Variants in ABI1 observed in about 807,000 individuals in gnomAD.
ABI1 encodes abl interactor 1, also known as Abelson interactor 1.
A neutral mutation model predicts 54.6 loss-of-function variants in ABI1; 14 were observed. That is an observed-to-expected ratio of 0.26 (90% confidence interval 0.17 to 0.40). The LOEUF (loss-of-function observed/expected upper bound fraction) is 0.40, where lower values mean the gene tolerates loss of function less well. Among genes scored for constraint, ABI1 ranks in the 10% least tolerant of loss-of-function variants. ABI1 has a pLI of 1.00. For synonymous variants in ABI1, 194 were observed against 209.3 expected, an observed-to-expected ratio of 0.93 and a Z score of 0.63; for missense variants, 443 against 598.3, an observed-to-expected ratio of 0.74 and a Z score of 2.71.
intron 7 of ABI1, among the ~76,000 whole-genome samples, chr10:26,761,661 T>TATATATATATACACACACAC (rs1375832167): frequency 5.1e-5 from 4 of 78,934 alleles, no homozygotes; most frequent in Non-Finnish European, 9.4e-5. Context: ...TATATATATA[T>TATATATATATACACACACAC]ACACACACAC....
chr10:26,797,392 C>T (rs932974393), intron 2 of ABI1, among the ~76,000 whole-genome samples: 2 of 152,100 alleles, frequency 1.3e-5, no homozygotes, highest in African/African-American at 4.8e-5. Context: ...CTAGAAAGCA[C>T]GACTAGGGAT....
intron 2 of ABI1, among the ~76,000 whole-genome samples, chr10:26,802,980 A>G (rs2046656723): frequency 6.6e-6 from 1 of 152,228 alleles, no homozygotes; most frequent in South Asian, 2.1e-4. Context: ...AAGATCAAAC[A>G]GAAGCTATCT....
chr10:26,795,141 CAA>C (rs200953543), intron 2 of ABI1, among the ~76,000 whole-genome samples: 13 of 110,810 alleles, frequency 1.2e-4, no homozygotes, highest in Non-Finnish European at 9.8e-5. Context: ...GAGACTGTCT[CAA>C]AAAAAAAAAA....
Position 26,823,273 on chromosome 10 carries a change from G to T in ABI1, c.150C>A (p.Thr50=). 6.3e-7 allele frequency: 1 copy of T among 1,579,388 alleles called. No individual in the cohort carries two copies. The change falls in exon 2 of 11, where the codon ACC becomes ACA. Residue 50 remains threonine (T), a synonymous_variant. Coordinates refer to ENST00000376140, the MANE Select transcript of ABI1 (RefSeq NM_001012750.3). ...ATDKRKALEE[T]KAYTTQSLAS... ...CTAGAGATTGGGTTGTATAGGCTTT[G>T]GTCTCCTCTAAAGCTTTTCTCTTGT...
intron 2 of ABI1, among the ~76,000 whole-genome samples, chr10:26,817,402 A>G (rs2047644767): frequency 6.6e-6 from 1 of 152,158 alleles, no homozygotes; most frequent in African/African-American, 2.4e-5. Context: ...CTGTTCTACA[A>G]AAAAAATTAT....
chr10:26,837,670 G>T (rs564167098), intron 1 of ABI1, among the ~76,000 whole-genome samples: 1 of 152,060 alleles, frequency 6.6e-6, no homozygotes, highest in South Asian at 2.1e-4. Flanking sequence ...AGAGTGCAGT[G>T]GTGCAATCCA....
Position 26,747,025 on chromosome 10 carries a change from T to A in ABI1, c.*1545A>T, listed in dbSNP as rs1176137876. The A allele has an allele frequency of 4.4e-6, 1 of 226,364 alleles. No individual in the cohort carries two copies. The highest frequency in any genetic ancestry group is 8.8e-6 in the Non-Finnish European group (1 of 113,670). The allele number at this position is 226,364 out of a possible 1,614,324, so 14.0% of individuals were successfully genotyped here. A position where few individuals can be genotyped will look rare whatever the true frequency, so the allele number is the denominator to read the frequency against. On this transcript the variant is annotated 3_prime_UTR_variant, in exon 11 of 11. Coordinates refer to ENST00000376140, the MANE Select transcript of ABI1 (RefSeq NM_001012750.3). ...AGCTAGCTGATCACTAATGATACTT[T>A]GTTTGTTTAAAATTAACAAAGGCAA...
chr10:26,786,227 T>G (rs78963529), intron 2 of ABI1, among the ~76,000 whole-genome samples: 1 of 152,098 alleles, frequency 6.6e-6, no homozygotes, highest in African/African-American at 2.4e-5. Context: ...ACACTTTTTT[T>G]TTTTTTGACA....
At chr10:26,808,631 G>C (rs188037440) in intron 2 of ABI1, among the ~76,000 whole-genome samples, 1 of 151,708 alleles carries the variant, frequency 6.6e-6, no homozygotes, top group Non-Finnish European at 1.5e-5. Context: ...GCTGAGGCAG[G>C]AGAATCGCTT....
At chr10:26,854,580 T>G (rs985701831) in intron 1 of ABI1, among the ~76,000 whole-genome samples, 13 of 152,184 alleles carry the variant, frequency 8.5e-5, no homozygotes, top group Non-Finnish European at 1.9e-4. Flanking sequence ...ATGGGTCGAT[T>G]TAACAATTAA....
chr10:26,821,023 A>T (rs2047940392), intron 2 of ABI1, among the ~76,000 whole-genome samples: 1 of 151,840 alleles, frequency 6.6e-6, no homozygotes, highest in South Asian at 2.1e-4. Flanking sequence ...CAGGCAGATC[A>T]CTTGAGCCCA....
intron 1 of ABI1, among the ~76,000 whole-genome samples, chr10:26,840,187 C>T (rs1325777158): frequency 1.3e-5 from 2 of 152,016 alleles, no homozygotes; most frequent in African/African-American, 4.8e-5. Flanking sequence ...GGGGGAGGAT[C>T]CCTCATGAAT....
chr10:26,760,179 T>C (rs900155914), intron 7 of ABI1, among the ~76,000 whole-genome samples: 1 of 152,180 alleles, frequency 6.6e-6, no homozygotes, highest in Non-Finnish European at 1.5e-5. Context: ...AAGTGTCATC[T>C]TTCCCAACAT....
At chr10:26,845,597 C>T (rs906510516) in intron 1 of ABI1, among the ~76,000 whole-genome samples, 13 of 152,050 alleles carry the variant, frequency 8.5e-5, no homozygotes, top group African/African-American at 3.1e-4. Context: ...GAACCAAGAT[C>T]GTGCCATTGC....
At chr10:26,761,661 T>TATATATACATAC (rs1375832167) in intron 7 of ABI1, among the ~76,000 whole-genome samples, 1 of 78,940 alleles carries the variant, frequency 1.3e-5, no homozygotes, top group African/African-American at 5.2e-5. Flanking sequence ...TATATATATA[T>TATATATACATAC]ACACACACAC....
At chr10:26,851,061 T>C (rs2050345905) in intron 1 of ABI1, among the ~76,000 whole-genome samples, 1 of 144,934 alleles carries the variant, frequency 6.9e-6, no homozygotes, top group Non-Finnish European at 1.5e-5. Flanking sequence ...TGCAAAATGA[T>C]GCAGAGAAAA....
intron 2 of ABI1, among the ~76,000 whole-genome samples, chr10:26,781,815 A>G (rs573070580): frequency 1.3e-5 from 2 of 152,332 alleles, no homozygotes; most frequent in South Asian, 4.1e-4. Flanking sequence ...TTGTCTGATG[A>G]GACCAATTAT....
At chr10:26,853,278 T>C (rs1015124012) in intron 1 of ABI1, among the ~76,000 whole-genome samples, 1 of 144,788 alleles carries the variant, frequency 6.9e-6, no homozygotes, top group Non-Finnish European at 1.5e-5. Flanking sequence ...ACTTTCCTAT[T>C]GTCTTATTTC....
chr10:26,754,727 T>G (rs566737458), intron 9 of ABI1, among the ~76,000 whole-genome samples: 30 of 152,316 alleles, frequency 2.0e-4, no homozygotes, highest in African/African-American at 7.0e-4. Context: ...ATTTTCATGG[T>G]GATGGTCCAA....
Sources: gnomAD v4.1 joint callset for allele counts (sites outside exome capture counted in the v4.1 genomes callset) on GRCh38, gnomAD v4.1.1 for gene constraint, MANE v1.5 for transcripts, NCBI Gene and HGNC (gene_info 2026-07-23, HGNC 2026-07-21) for gene names.